FCER1A: variants seen among roughly 807,000 people sequenced by gnomAD.
FCER1A encodes Fc epsilon receptor Ia.
A neutral mutation model predicts 23.6 loss-of-function variants in FCER1A; 24 were observed. The ratio of observed to expected loss-of-function variants is 1.02; its 90% CI spans 0.74 to 1.43. The LOEUF (loss-of-function observed/expected upper bound fraction) is 1.43. Ranked by LOEUF, FCER1A falls within the 40% of genes most tolerant of loss-of-function variation. The pLI is 0.00. For synonymous variants in FCER1A, 121 were observed against 108.8 expected, an observed-to-expected ratio of 1.11 and a Z score of -0.70; for missense variants, 318 against 294.5, an observed-to-expected ratio of 1.08 and a Z score of -0.58.
In FCER1A at chr1:159,302,364, G is replaced by A. The variant is rs765239382; in HGVS notation, c.-1G>A. ...GTAAGCACCAGGAGTCCATGAAGAA[G>A]ATGGCTCCTGCCATGGAATCCCCTA... On this transcript the variant is annotated 5_prime_UTR_variant, in exon 1 of 5. Coordinates refer to ENST00000693622, the MANE Select transcript of FCER1A (RefSeq NM_001387280.1). 1.2e-6 allele frequency: 2 copies of A among 1,607,852 alleles called. No individual in the cohort carries two copies. The highest frequency in any genetic ancestry group is 1.7e-6 in the Non-Finnish European group (2 of 1,174,258).
chr1:159,285,542 C>T (rs1203076570), upstream of FCER1A, among the ~76,000 whole-genome samples: 2 of 151,372 alleles, frequency 1.3e-5, no homozygotes, highest in East Asian at 3.9e-4. Flanking sequence ...TATATAAAAA[C>T]ACACATAAAA....
Position 159,307,754 on chromosome 1 carries a change from G to A in FCER1A, c.596G>A (p.Arg199His), listed in dbSNP as rs1433078324. 13 of 1,598,688 alleles carry A rather than the reference G, an allele frequency of 8.1e-6. No homozygotes were observed. Among genetic ancestry groups the A allele is most frequent in the African/African-American group, 1.3e-5 (1 of 74,708 alleles). Reference sequence around the variant, plus strand: ...CATCTGTGTTCCACTACAGCTCCGCGTGAGAAGTACTGGCTACAATTTTTT... The same window carrying A: ...CATCTGTGTTCCACTACAGCTCCGCATGAGAAGTACTGGCTACAATTTTTT... The part of the protein sequence containing the change: ...PLNITVIKAP[R>H]EKYWLQFFIP... The change falls in exon 5 of 5, where the codon CGT becomes CAT. Residue 199 changes from arginine (R) to histidine (H), a missense_variant. Coordinates refer to ENST00000693622, the MANE Select transcript of FCER1A (RefSeq NM_001387280.1).
At chr1:159,301,146 G>A (rs1177893858), upstream of FCER1A, among the ~76,000 whole-genome samples, 1 of 152,164 alleles carries the variant, frequency 6.6e-6, no homozygotes, top group Non-Finnish European at 1.5e-5. Flanking sequence ...GAAGAGCAAG[G>A]TATGATAGAA....
At position 159,302,357 on chromosome 1, in the gene FCER1A, T is replaced by G. The variant is rs761771280; in HGVS notation, c.-8T>G. 3.1e-6 allele frequency: 5 copies of G among 1,602,216 alleles called. No homozygotes were observed. The highest frequency in any genetic ancestry group is 4.3e-6 in the Non-Finnish European group (5 of 1,169,214). On this transcript the variant is annotated 5_prime_UTR_variant, in exon 1 of 5. An upstream start codon of the reference 5' UTR is lost. Transcript: ENST00000693622. ...CAGCACAGTAAGCACCAGGAGTCCA[T>G]GAAGAAGATGGCTCCTGCCATGGAA...
At position 159,296,086 on chromosome 1, in the gene FCER1A, C is replaced by A. The variant is rs3845625; in HGVS notation, c.-59-6220C>A. ...GGATAGTGGAATATCTGTTTACTTT[C>A]TGATGAATTTTATAATGTTTATGTC... On this transcript the variant is annotated intron_variant, in intron 1 of 5. Coordinates refer to the FCER1A transcript ENST00000368115. Among the ~76,000 whole-genome samples, 41 of 152,012 alleles carry A rather than the reference C, an allele frequency of 2.7e-4. 1 individual carries two copies. Among genetic ancestry groups the A allele is most frequent in the Non-Finnish European group, 1.0e-4 (7 of 67,984 alleles).
At chr1:159,295,046 A>G (rs183850975) in intron 1 of FCER1A, among the ~76,000 whole-genome samples, 63 of 152,304 alleles carry the variant, frequency 4.1e-4, no homozygotes, top group African/African-American at 1.4e-3. Flanking sequence ...GATTATTGAA[A>G]TATATGGTTG....
intron 1 of FCER1A, among the ~76,000 whole-genome samples, chr1:159,293,486 G>A (rs1372171822): frequency 2.7e-5 from 4 of 150,622 alleles, no homozygotes; most frequent in Non-Finnish European, 4.4e-5. Context: ...CTGGTGTGCC[G>A]CACCCATTAA....
chr1:159,304,609 A>AAAAT (rs1375849194), intron 3 of FCER1A, among the ~76,000 whole-genome samples: 1 of 152,080 alleles, frequency 6.6e-6, no homozygotes, highest in Non-Finnish European at 1.5e-5. Context: ...TCCGTCTCAA[A>AAAAT]AAATAAATAA....
intron 4 of FCER1A, among the ~76,000 whole-genome samples, chr1:159,306,515 T>A (rs1652621616): frequency 6.6e-6 from 1 of 152,164 alleles, no homozygotes; most frequent in African/African-American, 2.4e-5. Context: ...CTTTGTAAAC[T>A]GTTAAGCACT....
chr1:159,293,306 A>G (rs1321048769), intron 1 of FCER1A, among the ~76,000 whole-genome samples: 1 of 151,422 alleles, frequency 6.6e-6, no homozygotes, highest in Non-Finnish European at 1.5e-5. Context: ...TCTGGCCCCT[A>G]TGTGTATCTC....
chr1:159,285,949 C>T (rs1652004334), upstream of FCER1A, among the ~76,000 whole-genome samples: 1 of 152,072 alleles, frequency 6.6e-6, no homozygotes, highest in South Asian at 2.1e-4. Context: ...CTTTGGGAGG[C>T]CAAGGCAGCC....
intron 3 of FCER1A, 130 bp downstream of exon 3, chr1:159,304,312 C>T: frequency 1.2e-6 from 1 of 867,812 alleles, no homozygotes; most frequent in Non-Finnish European, 1.8e-6. Context: ...TTTTAAGACC[C>T]CTGCATTGGC....
intron 1 of FCER1A, among the ~76,000 whole-genome samples, chr1:159,292,876 G>T (rs1652190481): frequency 6.6e-6 from 1 of 151,700 alleles, no homozygotes; most frequent in African/African-American, 2.4e-5. Flanking sequence ...TGAGACTGGT[G>T]GCTCTAAAAG....
At chr1:159,300,400 G>C (rs377232090), upstream of FCER1A, among the ~76,000 whole-genome samples, 5 of 152,094 alleles carry the variant, frequency 3.3e-5, no homozygotes, top group East Asian at 5.8e-4. Context: ...CAACAAACTG[G>C]TAAAGTAGAA....
At chr1:159,297,583 G>A (rs1040519503), upstream of FCER1A, among the ~76,000 whole-genome samples, 7 of 152,154 alleles carry the variant, frequency 4.6e-5, no homozygotes, top group African/African-American at 1.4e-4. Context: ...TGGTGAGAAG[G>A]CTGAGGCAAA....
intron 3 of FCER1A, among the ~76,000 whole-genome samples, chr1:159,305,570 T>C (rs1417228976): frequency 6.6e-6 from 1 of 152,174 alleles, no homozygotes; most frequent in Non-Finnish European, 1.5e-5. Context: ...TTTTGACAAC[T>C]ATAATTAACA....
At chr1:159,288,411 C>G (rs2102212879), upstream of FCER1A, among the ~76,000 whole-genome samples, 1 of 152,272 alleles carries the variant, frequency 6.6e-6, no homozygotes, top group African/African-American at 2.4e-5. Flanking sequence ...CACTATTAAT[C>G]ACTCTCCCTC....
In FCER1A at chr1:159,306,232, T is replaced by G. The variant is rs1357588212; in HGVS notation, c.576T>G (p.Ile192Met). ...ACTATGAGTCTGAGCCCCTCAACAT[T>G]ACTGTAATAAAAGGTGAGTTGGTAA... Reference protein sequence around the residue: ...QLDYESEPLNITVIKAPREKY... With the variant: ...QLDYESEPLNMTVIKAPREKY... The change falls in exon 4 of 5, where the codon ATT (isoleucine) becomes ATG (methionine). Residue 192 changes from isoleucine (I) to methionine (M), a missense_variant. By Grantham distance (10) the Ile-to-Met change is conservative. Transcript: ENST00000693622. 6.2e-7 allele frequency: 1 copy of G among 1,613,654 alleles called. No individual in the cohort carries two copies. Among genetic ancestry groups the G allele is most frequent in the Admixed American group, 1.7e-5 (1 of 60,004 alleles).
chr1:159,289,354 TTCCTGAAC>T (rs1335120299), upstream of FCER1A, among the ~76,000 whole-genome samples: 1 of 152,182 alleles, frequency 6.6e-6, no homozygotes, highest in Non-Finnish European at 1.5e-5. Context: ...AACTGTTATC[TTCCTGAAC>T]TCCTGCAATT....
Sources: allele counts gnomAD v4.1 joint callset (sites outside exome capture counted in the v4.1 genomes callset), GRCh38; gene constraint gnomAD v4.1.1; transcripts MANE v1.5; gene names NCBI Gene and HGNC (gene_info 2026-07-23, HGNC 2026-07-21).